GLOD5: variants seen among roughly 807,000 people sequenced by gnomAD.
GLOD5 encodes glyoxalase domain containing 5.
Under a neutral mutation model 9.9 loss-of-function variants are expected in GLOD5, and 7 were observed. That is an observed-to-expected ratio of 0.71 (90% CI 0.40 to 1.33). The LOEUF (loss-of-function observed/expected upper bound fraction) is 1.33. GLOD5 is among the 40% of genes most tolerant of loss of function. The probability of loss-of-function intolerance (pLI) is 0.01; values close to 1 mark genes in which losing one functional copy is unlikely to be tolerated. For synonymous variants in GLOD5, 49 were observed against 47.3 expected, an observed-to-expected ratio of 1.04 and a Z score of -0.14; for missense variants, 146 against 128.4, an observed-to-expected ratio of 1.14 and a Z score of -0.66.
intron 2 of GLOD5, among the ~76,000 whole-genome samples, chrX:48,769,512 CTCTG>C (rs781805498): frequency 1.3e-4 from 14 of 110,535 alleles, no homozygotes; most frequent in Admixed American, 9.7e-4. Context: ...TAGAATGAGA[CTCTG>C]TCTCTTAAAA....
At position 48,773,612 on chromosome X, in the gene GLOD5, C is replaced by A. The variant is rs1478041628; in HGVS notation, c.*177C>A. The stretch of plus-strand genomic sequence containing the variant: ...CCAAACCTACATGTCTGTATGTCAT[C>A]AAAGTTGGCCTAATAAATGCATAAC... On this transcript the variant is annotated 3_prime_UTR_variant, in exon 4 of 4. Transcript: ENST00000303227. 7 of 456,795 alleles carry A rather than the reference C, an allele frequency of 1.5e-5. No homozygotes were observed. Among genetic ancestry groups the A allele is most frequent in the Non-Finnish European group, 2.6e-5 (7 of 271,267 alleles). The allele number at this position is 456,795 out of a possible 1,213,427, so 37.6% of individuals were successfully genotyped here. A position where few individuals can be genotyped will look rare whatever the true frequency, so the allele number is the denominator to read the frequency against.
Position 48,771,011 on chromosome X carries a change from C to A in GLOD5, c.286C>A (p.Pro96Thr), listed in dbSNP as rs955355571. The stretch of plus-strand genomic sequence containing the variant: ...GGAATTTGAACCCAAAGCCGCTCAC[C>A]CAGTTCCTGGCTCCCTGGACATATG... ...GKEFEPKAAHPVPGSLDICLI... is the reference protein window; with the variant it reads ...GKEFEPKAAHTVPGSLDICLI... Residue 96 changes from proline to threonine, a missense_variant, in exon 3 of 4, where the codon CCA (proline) becomes ACA (threonine). By Grantham distance (38) the Pro-to-Thr change is conservative. Transcript: ENST00000303227. 5.8e-6 allele frequency: 7 copies of A among 1,204,410 alleles called. No homozygotes were observed. Among genetic ancestry groups the A allele is most frequent in the Non-Finnish European group, 6.7e-6 (6 of 891,127 alleles).
chrX:48,767,005 A>AAAAAAAAAAAAAAAAAAAAAAAAAC (rs2062611330), intron 2 of GLOD5, among the ~76,000 whole-genome samples: 1 of 87,222 alleles, frequency 1.1e-5, no homozygotes, highest in African/African-American at 4.1e-5. Context: ...AAAAAAAAAA[A>AAAAAAAAAAAAAAAAAAAAAAAAAC]CCAACATTGG....
In GLOD5 at chrX:48,773,526, A is replaced by C. The variant is rs782012699; in HGVS notation, c.*91A>C. On this transcript the variant is annotated 3_prime_UTR_variant, in exon 4 of 4. Transcript: ENST00000303227. ...CCCACCCAGGCCCAGAGATCTCCAA[A>C]GACTGAGGACTTAGGCACTTCACAC... The C allele has an allele frequency of 1.5e-5, 15 of 1,024,112 alleles. No homozygotes were observed. In the African/African-American group the frequency reaches 2.8e-4, roughly 19 times the overall value. 84.4% of individuals were successfully genotyped at this position (1,024,112 alleles called of 1,213,427 possible).
At chrX:48,769,282 T>C (rs2062616359) in intron 2 of GLOD5, among the ~76,000 whole-genome samples, 1 of 106,187 alleles carries the variant, frequency 9.4e-6, no homozygotes, top group Non-Finnish European at 1.9e-5. Flanking sequence ...GGCAGGAGGA[T>C]CGCTTGAGCT....
chrX:48,767,007 C>T (rs1454016139), intron 2 of GLOD5, among the ~76,000 whole-genome samples: 2 of 9,903 alleles, frequency 2.0e-4, no homozygotes, highest in Non-Finnish European at 4.3e-4. Context: ...AAAAAAAAAC[C>T]AACATTGGAT....
In GLOD5 at chrX:48,773,420, C is replaced by G. The variant is rs1557017713; in HGVS notation, c.468C>G (p.Asn156Lys). 8.3e-7 allele frequency: 1 copy of G among 1,209,432 alleles called. No individual in the cohort carries two copies. Among genetic ancestry groups the G allele is most frequent in the East Asian group, 3.0e-5 (1 of 33,777 alleles). ...DPDRNLIEVS[N>K]YISS The stretch of plus-strand genomic sequence containing the variant: ...ACAGAAATCTGATTGAGGTGTCCAA[C>G]TACATCTCCTCGTGATGGAGGCTGG... The change falls in exon 4 of 4, where the codon AAC becomes AAG. Residue 156 changes from asparagine to lysine, a missense_variant. Physicochemically the swap from Asn to Lys is moderately conservative, Grantham distance 94. Coordinates refer to ENST00000303227, the MANE Select transcript of GLOD5 (RefSeq NM_001080489.3).
intron 2 of GLOD5, among the ~76,000 whole-genome samples, chrX:48,770,506 T>C (rs2062619694): frequency 9.1e-6 from 1 of 110,353 alleles, no homozygotes; most frequent in South Asian, 3.8e-4. Context: ...GGTTGGGAGG[T>C]TCCCAGAAGC....
intron 1 of GLOD5, 34 bp downstream of exon 1, chrX:48,761,887 G>C: frequency 9.3e-7 from 1 of 1,079,505 alleles, no homozygotes; most frequent in Non-Finnish European, 1.3e-6. Flanking sequence ...TCTGGGGCAA[G>C]GGTGTTGGCA....
At position 48,765,959 on chromosome X, in the gene GLOD5, T is replaced by C; in HGVS notation, c.188T>C (p.Val63Ala). ...MFYSKILGME[V>A]MTFKEDRKAL... ...TATTCCAAGATCCTGGGCATGGAGGTCATGACTTTTAAGGTAAGCACTTCC... is the reference window on the plus strand; with the variant it reads ...TATTCCAAGATCCTGGGCATGGAGGCCATGACTTTTAAGGTAAGCACTTCC... The change falls in exon 2 of 4, where the codon GTC becomes GCC. Residue 63 changes from valine to alanine, a missense_variant. Coordinates refer to ENST00000303227, the MANE Select transcript of GLOD5 (RefSeq NM_001080489.3). 4 of 1,206,606 alleles carry C rather than the reference T, an allele frequency of 3.3e-6. No individual in the cohort carries two copies. Among genetic ancestry groups the C allele is most frequent in the South Asian group, 1.8e-5 (1 of 55,988 alleles).
chrX:48,765,513 G>A, intron 1 of GLOD5: 1 of 281,213 alleles, frequency 3.6e-6, no homozygotes, highest in African/African-American at 3.0e-5. Context: ...GGGAGGCGGA[G>A]GTTGCAGTGA....
At chrX:48,770,235 A>G (rs1205437937) in intron 2 of GLOD5, among the ~76,000 whole-genome samples, 1 of 110,394 alleles carries the variant, frequency 9.1e-6, no homozygotes, top group African/African-American at 3.3e-5. Flanking sequence ...AAATGGTGCC[A>G]CTGCACTCCA....
intron 3 of GLOD5, among the ~76,000 whole-genome samples, chrX:48,772,452 G>A (rs1557017524): frequency 9.0e-6 from 1 of 111,203 alleles, no homozygotes; most frequent in Non-Finnish European, 1.9e-5. Flanking sequence ...AGAGGTGGGA[G>A]GATCGTTTGA....
At position 48,770,913 on chromosome X, in the gene GLOD5, T is replaced by A. The variant is rs782329862; in HGVS notation, c.202-14T>A. ...AATTCTAGGCTGTTTTCTCTGCCCC[T>A]CCCCACCAAGTAGGAAGACCGGAAA... On this transcript the variant is annotated splice_polypyrimidine_tract_variant and intron_variant, in intron 2 of 3. Transcript: ENST00000303227. 8.6e-7 allele frequency: 1 copy of A among 1,166,375 alleles called. No individual in the cohort carries two copies. The highest frequency in any genetic ancestry group is 3.1e-5 in the East Asian group (1 of 32,500).
At chrX:48,766,985 C>CAAAAAAAAAAAAAAAAAAAAAAAAA (rs782648787) in intron 2 of GLOD5, among the ~76,000 whole-genome samples, 213 of 3,020 alleles carry the variant, frequency 0.071, 98 homozygotes, top group Non-Finnish European at 0.098. Flanking sequence ...GATTCCATCT[C>CAAAAAAAAAAAAAAAAAAAAAAAAA]AAAAAAAAAA....
At chrX:48,767,917 CCA>C (rs2062613309) in intron 2 of GLOD5, among the ~76,000 whole-genome samples, 1 of 111,049 alleles carries the variant, frequency 9.0e-6, no homozygotes, top group Non-Finnish European at 1.9e-5. Context: ...AACACCCCTC[CCA>C]CACACACATA....
At position 48,773,561 on chromosome X, in the gene GLOD5, AG is replaced by A. The variant is rs2062628671; in HGVS notation, c.*132del. ...CTTAGGCACTTCACACATCCTGCTG[AG>A]GGGGGACCCAAGACAGGTTTGGGAC... On this transcript the variant is annotated 3_prime_UTR_variant, in exon 4 of 4. Transcript: ENST00000303227. 9.2e-6 allele frequency: 7 copies of A among 759,186 alleles called. No individual in the cohort carries two copies. In the Admixed American group the frequency reaches 1.3e-4, roughly 14 times the overall value. 62.6% of individuals were successfully genotyped at this position (759,186 alleles called of 1,213,427 possible).
intron 3 of GLOD5, among the ~76,000 whole-genome samples, chrX:48,771,881 A>G (rs995336507): frequency 1.8e-5 from 2 of 111,440 alleles, no homozygotes; most frequent in African/African-American, 6.5e-5. Flanking sequence ...TGGAGAGGGA[A>G]TAATTTCTGA....
chrX:48,770,356 C>T (rs1182708629), intron 2 of GLOD5, among the ~76,000 whole-genome samples: 4 of 112,255 alleles, frequency 3.6e-5, no homozygotes, highest in African/African-American at 1.3e-4. Flanking sequence ...TAGGAGAAAA[C>T]TCAACTAACT....
Sources: allele counts gnomAD v4.1 joint callset (sites outside exome capture counted in the v4.1 genomes callset), GRCh38; gene constraint gnomAD v4.1.1; transcripts MANE v1.5; gene names NCBI Gene and HGNC (gene_info 2026-07-23, HGNC 2026-07-21).